The following C1orf167 variants were observed in gnomAD, a reference collection of about 807,000 sequenced individuals.
C1orf167 encodes the protein uncharacterized protein C1orf167.
A neutral mutation model predicts 176.5 loss-of-function variants in C1orf167; 153 were observed. That is an observed-to-expected ratio of 0.87 (90% CI 0.76 to 0.99). The LOEUF (loss-of-function observed/expected upper bound fraction) is 0.99, where lower values mean the gene tolerates loss of function less well. C1orf167 is among the 50% of genes least tolerant of loss of function. The pLI, the probability that C1orf167 is intolerant of heterozygous loss-of-function variation, is 0.00. For missense variants in C1orf167, 1,490 were observed against 1,817.7 expected, an observed-to-expected ratio of 0.82 and a Z score of 3.28; for synonymous variants, 594 against 752.7, an observed-to-expected ratio of 0.79 and a Z score of 3.45.
chr1:11,770,973 TG>T (rs1460661057), intron 6 of C1orf167, among the ~76,000 whole-genome samples: 1 of 9,546 alleles, frequency 1.0e-4, no homozygotes, highest in Non-Finnish European at 1.1e-3. Flanking sequence ...CTGGCTAATT[TG>T]TGTGTGTGTG....
Position 11,779,672 on chromosome 1 carries a change from A to G in C1orf167, c.2652-130A>G, listed in dbSNP as rs530064905. The stretch of plus-strand genomic sequence containing the variant: ...CCAGTCCCCAGCAACCCACCCTCCC[A>G]TAATGGAAACAGAAGAGTCACCCAG... On this transcript the variant is annotated intron_variant, in intron 12 of 20. Coordinates refer to ENST00000688073, the MANE Select transcript of C1orf167 (RefSeq NM_001010881.2). 195 of 658,922 alleles carry G rather than the reference A, an allele frequency of 3.0e-4. No individual in the cohort carries two copies. In the African/African-American group the frequency reaches 3.5e-3, roughly 12 times the overall value. 40.8% of individuals were successfully genotyped at this position (658,922 alleles called of 1,614,324 possible).
At chr1:11,781,803 G>C (rs991093482) in intron 13 of C1orf167, among the ~76,000 whole-genome samples, 1 of 151,988 alleles carries the variant, frequency 6.6e-6, no homozygotes, top group African/African-American at 2.4e-5. Context: ...CCAGCTACTC[G>C]GGAGGCTGAG....
chr1:11,766,629 C>A lies in C1orf167; in HGVS notation c.843C>A (p.His281Gln). The change falls in exon 3 of 21, where the codon CAC becomes CAA. Residue 281 changes from histidine to glutamine, a missense_variant. Physicochemically the swap from His to Gln is conservative, Grantham distance 24. Coordinates refer to ENST00000688073, the MANE Select transcript of C1orf167 (RefSeq NM_001010881.2). This position sits in a 1 kb window ranked among gnomAD's most constrained non-coding sequence, Gnocchi z 4.5. ...WTGGGQPFSA[H>Q]PQPSQPVLAS... is the part of the protein sequence containing the mutation. The stretch of plus-strand genomic sequence containing the variant: ...GCGGCGGCCAGCCATTCTCCGCCCA[C>A]CCCCAGCCCAGCCAGCCTGTCCTTG... The A allele has an allele frequency of 7.8e-7, 1 of 1,286,722 alleles. No homozygotes were observed. The highest frequency in any genetic ancestry group is 1.2e-5 in the South Asian group (1 of 80,522). The allele number at this position is 1,286,722 out of a possible 1,614,324, so 79.7% of individuals were successfully genotyped here.
In C1orf167 at chr1:11,772,101, A is replaced by G. The variant is rs2100298192; in HGVS notation, c.1830A>G (p.Gln610=). 7.7e-7 allele frequency: 1 copy of G among 1,303,790 alleles called. No individual in the cohort carries two copies. The highest frequency in any genetic ancestry group is 1.2e-5 in the South Asian group (1 of 80,992). 80.8% of individuals were successfully genotyped at this position (1,303,790 alleles called of 1,614,324 possible). Residue 610 remains glutamine (Q), a synonymous_variant, in exon 8 of 21, where the codon CAA becomes CAG. Coordinates refer to ENST00000688073, the MANE Select transcript of C1orf167 (RefSeq NM_001010881.2). ...LQLAVFFLWC[Q]QKKRARQERE... Reference sequence around the variant, plus strand: ...CCTTAGTGTTCTTCCTGTGGTGCCAACAGAAGAAACGGGCCAGACAGGAGA... The same window carrying G: ...CCTTAGTGTTCTTCCTGTGGTGCCAGCAGAAGAAACGGGCCAGACAGGAGA...
In C1orf167 at chr1:11,784,513, T is replaced by C; in HGVS notation, c.3345T>C (p.Thr1115=). Residue 1115 remains threonine, a synonymous_variant, in exon 15 of 21, where the codon ACT becomes ACC. Transcript: ENST00000688073. ...GGGCCCAGGCAGCCCAGTGCTGGACTTGGTGCTGGGCTCTGTGGGTGCATG... is the reference window on the plus strand; with the variant it reads ...GGGCCCAGGCAGCCCAGTGCTGGACCTGGTGCTGGGCTCTGTGGGTGCATG... The part of the protein sequence containing the change: ...SAGAQAAQCW[T]WCWALWVHES... 1 of 1,302,504 alleles carries C rather than the reference T, an allele frequency of 7.7e-7. No homozygotes were observed. Among genetic ancestry groups the C allele is most frequent in the Non-Finnish European group, 1.0e-6 (1 of 988,570 alleles). The allele number at this position is 1,302,504 out of a possible 1,614,324, so 80.7% of individuals were successfully genotyped here. A position where few individuals can be genotyped will look rare whatever the true frequency, so the allele number is the denominator to read the frequency against.
At chr1:11,772,034 C>T (rs1643104756) in intron 7 of C1orf167, 48 bp from the exon 8 acceptor site, 4 of 1,250,878 alleles carry the variant, frequency 3.2e-6, no homozygotes, top group South Asian at 1.4e-5. Context: ...CTCAGATCCT[C>T]CCATCTGCTT....
chr1:11,782,480 C>T, intron 14 of C1orf167, 147 bp downstream of exon 14: 2 of 828,534 alleles, frequency 2.4e-6, no homozygotes, highest in Non-Finnish European at 3.2e-6. Context: ...AGATCCTAGC[C>T]TGGAAACACA....
intron 6 of C1orf167, among the ~76,000 whole-genome samples, chr1:11,771,069 A>ATTTTTTTTTT (rs147195468): frequency 2.1e-5 from 1 of 47,224 alleles, no homozygotes; most frequent in Non-Finnish European, 3.4e-5. Flanking sequence ...ATATATATAT[A>ATTTTTTTTTT]TTTTTTTTTT....
chr1:11,783,163 G>T (rs1199310708), intron 14 of C1orf167, among the ~76,000 whole-genome samples: 3 of 152,186 alleles, frequency 2.0e-5, no homozygotes, highest in Non-Finnish European at 4.4e-5. Context: ...CGAATGTTCA[G>T]TGTCCCCGTG....
intron 2 of C1orf167, among the ~76,000 whole-genome samples, chr1:11,765,152 A>G (rs1042599495): frequency 1.3e-5 from 2 of 151,124 alleles, no homozygotes; most frequent in Non-Finnish European, 2.9e-5. Flanking sequence ...TTCACATCCC[A>G]GTTTCTTCGT....
At chr1:11,789,129 G>A in intron 20 of C1orf167, 141 bp from the exon 21 acceptor site, 1 of 788,382 alleles carries the variant, frequency 1.3e-6, no homozygotes, top group Non-Finnish European at 1.8e-6. Flanking sequence ...TTTGGCCTAG[G>A]CAAGACTGGC....
At chr1:11,774,972 C>A (rs1643239881) in intron 8 of C1orf167, among the ~76,000 whole-genome samples, 1 of 152,144 alleles carries the variant, frequency 6.6e-6, no homozygotes, top group African/African-American at 2.4e-5. Context: ...TTCAAAGCAG[C>A]CCCATTTTAC....
At position 11,778,674 on chromosome 1, in the gene C1orf167, G is replaced by A; in HGVS notation, c.2354G>A (p.Gly785Asp). The A allele has an allele frequency of 3.1e-6, 4 of 1,298,306 alleles. No homozygotes were observed. Among genetic ancestry groups the A allele is most frequent in the Non-Finnish European group, 4.1e-6 (4 of 984,354 alleles). 80.4% of individuals were successfully genotyped at this position (1,298,306 alleles called of 1,614,324 possible). The change falls in exon 11 of 21, where the codon GGC becomes GAC. Residue 785 changes from glycine (G) to aspartate (D), a missense_variant. Transcript: ENST00000688073. ...QRQWANSFFQ[G>D]LQQRMLQRSL... Reference sequence around the variant, plus strand: ...CCCTTCTCTAGCTCCTTCTTCCAGGGCCTGCAGCAGCGGATGCTGCAGCGC... The same window carrying A: ...CCCTTCTCTAGCTCCTTCTTCCAGGACCTGCAGCAGCGGATGCTGCAGCGC...
chr1:11,771,681 A>T, intron 7 of C1orf167, 45 bp downstream of exon 7: 1 of 1,235,318 alleles, frequency 8.1e-7, no homozygotes, highest in Non-Finnish European at 1.1e-6. Context: ...GAGCCTGGCC[A>T]CGCAGGGCCT....
At position 11,789,282 on chromosome 1, in the gene C1orf167, T is replaced by C. The variant is rs1390341794; in HGVS notation, c.4186T>C (p.Trp1396Arg). The change falls in exon 21 of 21, where the codon TGG (tryptophan) becomes CGG (arginine). Residue 1396 changes from tryptophan to arginine, a missense_variant. Trp to Arg is a moderately radical substitution (Grantham distance 101). Transcript: ENST00000688073. ...TAAGRWAFKK[W>R]HQRLAARSPR... ...TCCCTGGTTCCAGGCCTTTAAGAAGTGGCACCAACGCCTGGCAGCCAGGAG... is the reference window on the plus strand; with the variant it reads ...TCCCTGGTTCCAGGCCTTTAAGAAGCGGCACCAACGCCTGGCAGCCAGGAG... The C allele has an allele frequency of 3.1e-6, 4 of 1,303,838 alleles. No individual in the cohort carries two copies. In the Admixed American group the frequency reaches 9.2e-5, roughly 30 times the overall value. 80.8% of individuals were successfully genotyped at this position (1,303,838 alleles called of 1,614,324 possible). A position where few individuals can be genotyped will look rare whatever the true frequency, so the allele number is the denominator to read the frequency against.
At chr1:11,776,356 C>G in intron 9 of C1orf167, 108 bp from the exon 10 acceptor site, 1 of 1,031,570 alleles carries the variant, frequency 9.7e-7, no homozygotes, top group Middle Eastern at 2.6e-4. Flanking sequence ...TGGGACGGGA[C>G]AAGAGGGGAG....
chr1:11,785,257 A>G lies in C1orf167; in HGVS notation c.3535A>G (p.Arg1179Gly), dbSNP rs1643801839. The change falls in exon 16 of 21, where the codon AGG becomes GGG. Residue 1179 changes from arginine (R) to glycine (G), a missense_variant. Transcript: ENST00000688073. ...GCGCTTCCTGCGGACAGTGCAGCTC[A>G]GGGTGCGGCTGGGACTGCCAGGGGC... ...LRRFLRTVQL[R>G]VRLGLPGAGK... 3 of 1,288,674 alleles carry G rather than the reference A, an allele frequency of 2.3e-6. No homozygotes were observed. The highest frequency in any genetic ancestry group is 4.6e-5 in the Admixed American group (2 of 43,476). 79.8% of individuals were successfully genotyped at this position (1,288,674 alleles called of 1,614,324 possible).
rs1253179770 is a variant in C1orf167 at position 11,768,713 on chromosome 1, A to G, written c.1543-260A>G. On this transcript the variant is annotated intron_variant, in intron 5 of 20. Transcript: ENST00000688073. This position sits in a 1 kb window ranked among gnomAD's most constrained non-coding sequence, Gnocchi z 4.5. ...GCATCTGTGTCCTTCCCTCCTTGGGAAAGGGGTGCTCTGAGAGGGTCCAGT... is the reference window on the plus strand; with the variant it reads ...GCATCTGTGTCCTTCCCTCCTTGGGGAAGGGGTGCTCTGAGAGGGTCCAGT... Among the ~76,000 whole-genome samples the G allele has an allele frequency of 6.6e-6, 1 of 152,080 alleles. No homozygotes were observed. Among genetic ancestry groups the G allele is most frequent in the African/African-American group, 2.4e-5 (1 of 41,408 alleles).
chr1:11,773,919 A>ATT (rs70983595), intron 8 of C1orf167, among the ~76,000 whole-genome samples: 1 of 151,500 alleles, frequency 6.6e-6, no homozygotes, highest in Non-Finnish European at 1.5e-5. Context: ...TTAAAAAAAA[A>ATT]TAGAGACAGG....
Sources: gnomAD v4.1 joint callset for allele counts (sites outside exome capture counted in the v4.1 genomes callset) on GRCh38, gnomAD v4.1.1 for gene constraint, Gnocchi (gnomAD v3.1) non-coding constraint, MANE v1.5 for transcripts, NCBI Gene and HGNC (gene_info 2026-07-23, HGNC 2026-07-21) for gene names.